Variants in SVOPL observed in about 807,000 individuals in gnomAD.
SVOPL encodes putative transporter SVOPL.
Under a neutral mutation model 61.0 loss-of-function variants are expected in SVOPL, and 60 were observed. That is an observed-to-expected ratio of 0.98 (90% CI 0.80 to 1.22). The LOEUF (loss-of-function observed/expected upper bound fraction) is 1.22. Ranked by LOEUF, SVOPL falls within the 50% of genes most tolerant of loss-of-function variation. The pLI is 0.00. For missense variants in SVOPL, 662 were observed against 643.9 expected (o/e 1.03, Z -0.30); for synonymous variants, 279 against 250.0 (o/e 1.12, Z -1.09).
chr7:138,672,105 T>A lies in SVOPL; in HGVS notation c.187A>T (p.Met63Leu), dbSNP rs115509159. 3.9e-5 allele frequency: 61 copies of A among 1,551,730 alleles called. No individual in the cohort carries two copies. In the African/African-American group the frequency reaches 7.8e-4, roughly 20 times the overall value. ...IMGSTGVVEA[M>L]EIMLIAVVSP... The stretch of plus-strand genomic sequence containing the variant: ...ACAACAGCTATCAACATGATCTCCA[T>A]GGCCTCAACCACCTTAAAGAAGAGG... Residue 63 changes from methionine (M) to leucine (L), a missense_variant, in exon 4 of 16, where the codon ATG becomes TTG. By Grantham distance (15) the Met-to-Leu change is conservative. Transcript: ENST00000674285.
chr7:138,674,753 G>C (rs764899259), intron 3 of SVOPL, among the ~76,000 whole-genome samples: 2 of 151,966 alleles, frequency 1.3e-5, no homozygotes. Flanking sequence ...CTACTTAGGA[G>C]GCTGAAGCAG....
intron 14 of SVOPL, among the ~76,000 whole-genome samples, chr7:138,617,235 G>C (rs1396528395): frequency 6.6e-6 from 1 of 152,168 alleles, no homozygotes; most frequent in Non-Finnish European, 1.5e-5. Context: ...CTCCCAAAGT[G>C]CTGGGATTAC....
At chr7:138,660,963 G>GT (rs1801975251) in intron 5 of SVOPL, 11 of 982,860 alleles carry the variant, frequency 1.1e-5, no homozygotes, top group South Asian at 4.7e-5. Flanking sequence ...TATGTATTTT[G>GT]TTTTTGATAA....
At chr7:138,617,539 G>A (rs796517117) in intron 14 of SVOPL, among the ~76,000 whole-genome samples, 13 of 152,226 alleles carry the variant, frequency 8.5e-5, no homozygotes, top group African/African-American at 2.9e-4. Flanking sequence ...CAGATTTGCT[G>A]GGGATACTTA....
At chr7:138,676,921 T>TTGG (rs1802576662) in intron 3 of SVOPL, among the ~76,000 whole-genome samples, 1 of 118,216 alleles carries the variant, frequency 8.5e-6, no homozygotes. Flanking sequence ...TTTTTTTTTT[T>TTGG]GAGATGAAGT....
At chr7:138,653,219 A>C (rs1367111598) in intron 7 of SVOPL, among the ~76,000 whole-genome samples, 1 of 152,222 alleles carries the variant, frequency 6.6e-6, no homozygotes, top group Non-Finnish European at 1.5e-5. Context: ...AAGGTGAAAC[A>C]GCAAGTGCTG....
chr7:138,660,566 T>A (rs1219370024), intron 5 of SVOPL: 9 of 985,666 alleles, frequency 9.1e-6, no homozygotes, highest in Non-Finnish European at 1.1e-5. Context: ...ACATGTAATA[T>A]AATACATAAG....
At chr7:138,603,465 A>G (rs1263162163) in intron 14 of SVOPL, among the ~76,000 whole-genome samples, 1 of 152,140 alleles carries the variant, frequency 6.6e-6, no homozygotes, top group African/African-American at 2.4e-5. Flanking sequence ...AGGTGGATCA[A>G]TTCAGGCCAG....
chr7:138,700,247 T>C (rs746181369), intron 1 of SVOPL, among the ~76,000 whole-genome samples: 1 of 151,908 alleles, frequency 6.6e-6, no homozygotes, highest in Non-Finnish European at 1.5e-5. Context: ...TGAGGAACAT[T>C]ATTGAGAGAT....
At chr7:138,618,705 C>T (rs111732264) in intron 14 of SVOPL, among the ~76,000 whole-genome samples, 3 of 108,948 alleles carry the variant, frequency 2.8e-5, no homozygotes, top group African/African-American at 8.9e-5. Flanking sequence ...CGCGTGCACA[C>T]GCGCGAGAGA....
At chr7:138,641,980 TC>T (rs1321556481) in intron 9 of SVOPL, among the ~76,000 whole-genome samples, 8 of 150,764 alleles carry the variant, frequency 5.3e-5, no homozygotes, top group Non-Finnish European at 8.9e-5. Context: ...GAACACAGAT[TC>T]TTTTTAAACA....
chr7:138,596,564 T>A, intron 14 of SVOPL, 34 bp from the exon 15 acceptor site: 1 of 1,608,822 alleles, frequency 6.2e-7, no homozygotes, highest in Non-Finnish European at 8.5e-7. Flanking sequence ...CAATTTATTA[T>A]GCTCCAGTTA....
In SVOPL at chr7:138,687,357, TC is replaced by T. The variant is rs576541842; in HGVS notation, c.-34-8279del. 9.5e-4 allele frequency among the ~76,000 whole-genome samples: 138 copies of T among 145,350 alleles called. 1 individual carries two copies. Among genetic ancestry groups the T allele is most frequent in the African/African-American group, 3.4e-3 (135 of 39,278 alleles). On this transcript the variant is annotated intron_variant, in intron 1 of 15. Coordinates refer to ENST00000674285, the MANE Select transcript of SVOPL (RefSeq NM_001139456.2). ...TTCAAGTGATTATCCTGCCTCAGCC[TC>T]CCGAGTAGCTGGGATTACAGGTGCA...
intron 3 of SVOPL, among the ~76,000 whole-genome samples, chr7:138,675,777 C>A (rs913194023): frequency 2.0e-5 from 3 of 152,056 alleles, no homozygotes; most frequent in Non-Finnish European, 4.4e-5. Context: ...TTGAGTGGAC[C>A]CCATATCTTT....
chr7:138,620,100 T>TC (rs1328619509), intron 14 of SVOPL, among the ~76,000 whole-genome samples: 2 of 149,248 alleles, frequency 1.3e-5, no homozygotes. Flanking sequence ...GTTTTTTTTT[T>TC]CTTTTTTGTT....
chr7:138,651,061 C>T (rs1240558990), intron 7 of SVOPL, among the ~76,000 whole-genome samples: 2 of 151,210 alleles, frequency 1.3e-5, no homozygotes, highest in African/African-American at 2.4e-5. Context: ...ATTGAGAGCA[C>T]CTAAAGGAGG....
chr7:138,644,625 C>T (rs1203748352), intron 9 of SVOPL, 92 bp downstream of exon 9: 8 of 1,517,604 alleles, frequency 5.3e-6, no homozygotes, highest in Non-Finnish European at 6.2e-6. Context: ...GACTAGAGAA[C>T]AAGGGTCCCC....
chr7:138,642,831 C>CAAAAAAAAAAAAAAAAAAAAAAAAAAAAA (rs749603417), intron 9 of SVOPL, among the ~76,000 whole-genome samples: 4 of 26,920 alleles, frequency 1.5e-4, no homozygotes, highest in South Asian at 2.0e-3. Context: ...CTCCTACCTC[C>CAAAAAAAAAAAAAAAAAAAAAAAAAAAAA]AAAAAAAAAA....
At chr7:138,635,210 T>A (rs903847162) in intron 9 of SVOPL, among the ~76,000 whole-genome samples, 8 of 151,296 alleles carry the variant, frequency 5.3e-5, no homozygotes, top group African/African-American at 1.9e-4. Flanking sequence ...AAGCAGTGGT[T>A]GCAGTGAGCC....
Sources: allele counts gnomAD v4.1 joint callset (sites outside exome capture counted in the v4.1 genomes callset), GRCh38; gene constraint gnomAD v4.1.1; transcripts MANE v1.5; gene names NCBI Gene and HGNC (gene_info 2026-07-23, HGNC 2026-07-21).